ITPR1: variants seen among roughly 807,000 people sequenced by gnomAD.
The protein encoded by ITPR1 is inositol 1,4,5-trisphosphate receptor type 1.
In ITPR1, 96 loss-of-function variants were observed where a neutral mutation model predicts 318.4. That is an observed-to-expected ratio of 0.30 (90% CI 0.26 to 0.36). The LOEUF (loss-of-function observed/expected upper bound fraction) is 0.36. Among genes scored for constraint, ITPR1 ranks in the 10% least tolerant of loss-of-function variants. ITPR1 has a pLI of 1.00. For synonymous variants in ITPR1, 1,312 were observed against 1,289.9 expected (o/e 1.02, Z -0.37); for missense variants, 2,440 against 3,460.2 (o/e 0.71, Z 7.40).
chr3:4,815,302 G>T (rs754340000), intron 59 of ITPR1, 84 bp downstream of exon 59: 1 of 1,352,244 alleles, frequency 7.4e-7, no homozygotes, highest in Non-Finnish European at 1.0e-6. Flanking sequence ...TGTGATGGGC[G>T]GGGTGCCTGC....
intron 40 of ITPR1, among the ~76,000 whole-genome samples, chr3:4,720,957 T>G (rs2042108932): frequency 6.6e-6 from 1 of 151,902 alleles, no homozygotes; most frequent in South Asian, 2.1e-4. Flanking sequence ...AAGAGCTGCT[T>G]TTTTTCCTGG....
At chr3:4,769,407 G>GGGAT (rs2046041225) in intron 46 of ITPR1, among the ~76,000 whole-genome samples, 1 of 152,176 alleles carries the variant, frequency 6.6e-6, no homozygotes, top group Non-Finnish European at 1.5e-5. Context: ...AGGTAAAAAT[G>GGGAT]GGATGGATGG....
At position 4,720,468 on chromosome 3, in the gene ITPR1, G is replaced by T. The variant is rs531464017; in HGVS notation, c.5136+3069G>T. ...GTTCCAGCGAAGTACTCCCGAGGTGGTGAGCAGAACAGTAGTCCACCTAGT... is the reference window on the plus strand; with the variant it reads ...GTTCCAGCGAAGTACTCCCGAGGTGTTGAGCAGAACAGTAGTCCACCTAGT... On this transcript the variant is annotated intron_variant, in intron 40 of 61. Transcript: ENST00000649015. Among the ~76,000 whole-genome samples the T allele has an allele frequency of 2.0e-5, 3 of 152,326 alleles. No homozygotes were observed. The East Asian group carries it at 5.8e-4, about 29-fold the overall frequency.
intron 4 of ITPR1, among the ~76,000 whole-genome samples, chr3:4,606,467 GA>G (rs1163874251): frequency 2.0e-5 from 3 of 151,780 alleles, no homozygotes; most frequent in Non-Finnish European, 2.9e-5. Context: ...TGCCTGGAAG[GA>G]AAAAAAAGAA....
chr3:4,668,693 C>G (rs994786753), intron 18 of ITPR1, among the ~76,000 whole-genome samples: 1 of 152,152 alleles, frequency 6.6e-6, no homozygotes, highest in Non-Finnish European at 1.5e-5. Flanking sequence ...GTCTTGAACT[C>G]CTGACCTCGT....
In ITPR1 at chr3:4,721,172, G is replaced by GTGTATATATA. The variant is rs1356149562; in HGVS notation, c.5136+3774_5136+3775insGTATATATAT. ...TGTGTGTAGATACGTGTGTGTGCGT[G>GTGTATATATA]TATATATATATATATATATATATAT... On this transcript the variant is annotated intron_variant, in intron 40 of 61. Transcript: ENST00000649015. 3.1e-3 allele frequency among the ~76,000 whole-genome samples: 388 copies of GTGTATATATA among 125,058 alleles called. 5 individuals are homozygous for GTGTATATATA. Among genetic ancestry groups the GTGTATATATA allele is most frequent in the Middle Eastern group, 0.018 (4 of 228 alleles). The allele number at this position is 125,058 out of a possible 152,430, so 82.0% of individuals were successfully genotyped here. A position where few individuals can be genotyped will look rare whatever the true frequency, so the allele number is the denominator to read the frequency against.
chr3:4,591,362 C>G (rs886368450), intron 4 of ITPR1, among the ~76,000 whole-genome samples: 5 of 152,160 alleles, frequency 3.3e-5, no homozygotes, highest in African/African-American at 1.2e-4. Context: ...TAAGGGTTCC[C>G]TTTTCTCCAC....
intron 4 of ITPR1, among the ~76,000 whole-genome samples, chr3:4,625,437 C>T (rs1287631033): frequency 6.6e-6 from 1 of 152,134 alleles, no homozygotes; most frequent in Non-Finnish European, 1.5e-5. Flanking sequence ...TTAAGGGAAT[C>T]GGTTTTAATG....
At chr3:4,802,373 A>C (rs1338230208) in intron 54 of ITPR1, among the ~76,000 whole-genome samples, 1 of 152,254 alleles carries the variant, frequency 6.6e-6, no homozygotes, top group African/African-American at 2.4e-5. Context: ...TATTCTTGAG[A>C]AAATGCATTC....
At chr3:4,581,741 G>A (rs1409892121) in intron 4 of ITPR1, among the ~76,000 whole-genome samples, 2 of 152,220 alleles carry the variant, frequency 1.3e-5, no homozygotes, top group African/African-American at 2.4e-5. Context: ...TGTACGGCAG[G>A]AATTGTGCCC....
intron 36 of ITPR1, among the ~76,000 whole-genome samples, chr3:4,705,496 A>G (rs2094738109): frequency 6.6e-6 from 1 of 152,086 alleles, no homozygotes. Flanking sequence ...ACCACCTTGC[A>G]TTTGGTTGTC....
chr3:4,818,158 C>G lies in ITPR1; in HGVS notation c.7944C>G (p.His2648Gln). The G allele has an allele frequency of 6.2e-7, 1 of 1,607,678 alleles. No homozygotes were observed. Among genetic ancestry groups the G allele is most frequent in the Non-Finnish European group, 8.5e-7 (1 of 1,174,818 alleles). ...TCAAGGAAGAACACAACATGTGGCA[C>G]TATCTGTGCTTCATCGTCCTGGTGA... ...EHIKEEHNMW[H>Q]YLCFIVLVKV... The change falls in exon 60 of 62, where the codon CAC (histidine) becomes CAG (glutamine). Residue 2648 changes from histidine (H) to glutamine (Q), a missense_variant. His to Gln is a conservative substitution (Grantham distance 24). This residue lies in a region of ITPR1 where 72 missense variants were observed against 197.7 expected (regional missense o/e 0.36). Coordinates refer to ENST00000649015, the MANE Select transcript of ITPR1 (RefSeq NM_001378452.1).
At chr3:4,759,104 C>A (rs2045244203) in intron 44 of ITPR1, among the ~76,000 whole-genome samples, 1 of 152,016 alleles carries the variant, frequency 6.6e-6, no homozygotes, top group Non-Finnish European at 1.5e-5. Flanking sequence ...AATTCCAGGC[C>A]CTCTGTCTCC....
chr3:4,813,161 A>C lies in ITPR1; in HGVS notation c.7488A>C (p.Ala2496=). ...TAVPETGESL[A]SEFLFSDVCR... is the part of the protein sequence containing the mutation. ...TCCCAGAAACCGGCGAGAGTTTGGC[A>C]AGCGAGTTCCTGTTCTCCGATGTGT... The change falls in exon 57 of 62, where the codon GCA becomes GCC. Residue 2496 remains alanine, a synonymous_variant. Coordinates refer to ENST00000649015, the MANE Select transcript of ITPR1 (RefSeq NM_001378452.1). The C allele has an allele frequency of 6.2e-7, 1 of 1,614,008 alleles. No homozygotes were observed. The highest frequency in any genetic ancestry group is 8.5e-7 in the Non-Finnish European group (1 of 1,179,890).
chr3:4,500,047 T>C (rs542209738), intron 2 of ITPR1, among the ~76,000 whole-genome samples: 1 of 152,364 alleles, frequency 6.6e-6, no homozygotes, highest in East Asian at 1.9e-4. Flanking sequence ...GCTGGTAAAG[T>C]TCCTGAGATT....
At chr3:4,760,414 C>CT (rs1002936946) in intron 44 of ITPR1, among the ~76,000 whole-genome samples, 6 of 152,264 alleles carry the variant, frequency 3.9e-5, no homozygotes, top group Admixed American at 2.6e-4. Flanking sequence ...TTTCTGTTAT[C>CT]TTTTTTTAAT....
chr3:4,522,855 A>G (rs1021464657), intron 4 of ITPR1, among the ~76,000 whole-genome samples: 3 of 152,166 alleles, frequency 2.0e-5, no homozygotes, highest in African/African-American at 4.8e-5. Context: ...GAACTTAAGA[A>G]CCTTGTCTGA....
At chr3:4,533,796 G>T (rs570784953) in intron 4 of ITPR1, among the ~76,000 whole-genome samples, 1 of 152,150 alleles carries the variant, frequency 6.6e-6, no homozygotes, top group Non-Finnish European at 1.5e-5. Context: ...TTCTCTCCTC[G>T]CACGAGCCTT....
intron 44 of ITPR1, among the ~76,000 whole-genome samples, chr3:4,738,042 C>T (rs1451665441): frequency 1.3e-5 from 2 of 152,146 alleles, no homozygotes; most frequent in African/African-American, 4.8e-5. Flanking sequence ...GGGGGAACGA[C>T]GCCCACTGGG....
Sources: gnomAD v4.1 joint callset for allele counts (sites outside exome capture counted in the v4.1 genomes callset) on GRCh38, gnomAD v4.1.1 for gene constraint, gnomAD v4.1.1 regional missense constraint, MANE v1.5 for transcripts, NCBI Gene and HGNC (gene_info 2026-07-23, HGNC 2026-07-21) for gene names.